ARHGAP40: variants seen among roughly 807,000 people sequenced by gnomAD.
ARHGAP40 encodes the protein Rho GTPase activating protein 40, also known as rho GTPase-activating protein 40.
Under a neutral mutation model 73.5 loss-of-function variants are expected in ARHGAP40, and 43 were observed. The observed-to-expected ratio is 0.58, with a 90% confidence interval of 0.46 to 0.75. The LOEUF is 0.75. Among genes scored for constraint, ARHGAP40 ranks in the 30% least tolerant of loss-of-function variants. ARHGAP40 has a pLI of 0.00. For synonymous variants in ARHGAP40, 300 were observed against 352.8 expected (o/e 0.85, Z 1.68); for missense variants, 734 against 861.8 (o/e 0.85, Z 1.86).
At chr20:38,628,309 C>A (rs1027482671) in intron 3 of ARHGAP40, among the ~76,000 whole-genome samples, 6 of 145,670 alleles carry the variant, frequency 4.1e-5, no homozygotes, top group South Asian at 2.2e-4. Flanking sequence ...GTACAAAATC[C>A]TTTTTTTTTT....
intron 10 of ARHGAP40, among the ~76,000 whole-genome samples, chr20:38,642,342 G>C (rs2089024459): frequency 6.6e-6 from 1 of 152,224 alleles, no homozygotes; most frequent in African/African-American, 2.4e-5. Flanking sequence ...CCAGCTCCCT[G>C]TACCGTCTTG....
chr20:38,603,318 G>C (rs567667643), intron 1 of ARHGAP40, among the ~76,000 whole-genome samples: 9 of 152,196 alleles, frequency 5.9e-5, no homozygotes, highest in Non-Finnish European at 1.0e-4. Context: ...TATGTGCGTG[G>C]GGCTCTGCCC....
intron 11 of ARHGAP40, among the ~76,000 whole-genome samples, chr20:38,645,176 C>T (rs1317587577): frequency 1.3e-5 from 2 of 151,562 alleles, no homozygotes; most frequent in Non-Finnish European, 2.9e-5. Context: ...GGGCAGAAGC[C>T]TGGTGTCCTC....
chr20:38,624,133 A>G (rs2088887457), intron 2 of ARHGAP40, among the ~76,000 whole-genome samples: 1 of 152,164 alleles, frequency 6.6e-6, no homozygotes, highest in African/African-American at 2.4e-5. Flanking sequence ...CCTCTCATGC[A>G]GTTACAATCA....
intron 6 of ARHGAP40, among the ~76,000 whole-genome samples, chr20:38,636,383 C>T (rs1012827665): frequency 1.3e-5 from 2 of 152,006 alleles, no homozygotes; most frequent in Middle Eastern, 3.4e-3. Context: ...TCACCTCAGC[C>T]GCCTGAGTAG....
Position 38,602,066 on chromosome 20 carries a change from G to A in ARHGAP40, c.124G>A (p.Asp42Asn), listed in dbSNP as rs563490672. Residue 42 changes from aspartate to asparagine, a missense_variant, in exon 1 of 15, where the codon GAC becomes AAC. By Grantham distance (23) the Asp-to-Asn change is conservative. Transcript: ENST00000373345. Reference sequence around the variant, plus strand: ...CAGGCGCTGCGCCCAGCGCTGGGCCGACCTGGGCTGCAGGTACAGGGGTCA... The same window carrying A: ...CAGGCGCTGCGCCCAGCGCTGGGCCAACCTGGGCTGCAGGTACAGGGGTCA... 7 of 1,285,672 alleles carry A rather than the reference G, an allele frequency of 5.4e-6. No individual in the cohort carries two copies. The South Asian group carries it at 6.2e-5, about 11-fold the overall frequency. The allele number at this position is 1,285,672 out of a possible 1,614,324, so 79.6% of individuals were successfully genotyped here. A position where few individuals can be genotyped will look rare whatever the true frequency, so the allele number is the denominator to read the frequency against.
chr20:38,603,203 C>A (rs1336993375), intron 1 of ARHGAP40, among the ~76,000 whole-genome samples: 1 of 152,178 alleles, frequency 6.6e-6, no homozygotes, highest in South Asian at 2.1e-4. Flanking sequence ...GATCGTAGGA[C>A]AACTGAGTCC....
At chr20:38,608,258 C>G (rs1391215784) in intron 1 of ARHGAP40, among the ~76,000 whole-genome samples, 3 of 152,182 alleles carry the variant, frequency 2.0e-5, no homozygotes, top group Admixed American at 6.5e-5. Flanking sequence ...GACCTGCTCC[C>G]CTTCCTGGGA....
chr20:38,633,442 A>T (rs559119735), intron 5 of ARHGAP40, among the ~76,000 whole-genome samples: 3 of 152,350 alleles, frequency 2.0e-5, no homozygotes, highest in South Asian at 2.1e-4. Flanking sequence ...AGTACTCACT[A>T]TGTGTCGGGC....
intron 13 of ARHGAP40, among the ~76,000 whole-genome samples, chr20:38,648,376 C>T (rs1439526182): frequency 6.6e-6 from 1 of 152,238 alleles, no homozygotes; most frequent in Non-Finnish European, 1.5e-5. Context: ...ATTCTGATGC[C>T]CAGAAGAAAG....
At chr20:38,629,084 C>T in intron 4 of ARHGAP40, 82 bp downstream of exon 4, 1 of 1,088,052 alleles carries the variant, frequency 9.2e-7, no homozygotes. Flanking sequence ...AGAATGTGCA[C>T]ACCTCCCAGC....
intron 2 of ARHGAP40, among the ~76,000 whole-genome samples, chr20:38,625,594 T>A (rs541468456): frequency 6.6e-6 from 1 of 152,106 alleles, no homozygotes; most frequent in African/African-American, 2.4e-5. Context: ...AATTTTCGTA[T>A]TTTTAGTAGA....
intron 1 of ARHGAP40, among the ~76,000 whole-genome samples, chr20:38,616,484 A>G (rs2088839969): frequency 6.6e-6 from 1 of 152,228 alleles, no homozygotes; most frequent in South Asian, 2.1e-4. Flanking sequence ...CACAGGCTGC[A>G]TCCAGCCAGT....
chr20:38,650,233 A>G (rs974921635), exon 15 of ARHGAP40: 1 of 413,646 alleles, frequency 2.4e-6, no homozygotes, highest in Non-Finnish European at 4.9e-6. Flanking sequence ...TGACGCCACC[A>G]CTTGGGGCGC....
intron 1 of ARHGAP40, among the ~76,000 whole-genome samples, chr20:38,605,244 C>T (rs1050255016): frequency 1.1e-4 from 16 of 152,146 alleles, no homozygotes; most frequent in African/African-American, 3.6e-4. Context: ...ATGCTCACTG[C>T]CTCTACATGA....
chr20:38,632,744 G>C (rs2088949052), intron 5 of ARHGAP40, among the ~76,000 whole-genome samples: 1 of 152,020 alleles, frequency 6.6e-6, no homozygotes, highest in Non-Finnish European at 1.5e-5. Flanking sequence ...GGAAGGCCAA[G>C]GTGGGAGGAT....
chr20:38,611,616 C>T (rs201952380), intron 1 of ARHGAP40, among the ~76,000 whole-genome samples: 1 of 151,692 alleles, frequency 6.6e-6, no homozygotes, highest in Non-Finnish European at 1.5e-5. Context: ...CTTGCTCTGT[C>T]GCCCAGGCTG....
intron 1 of ARHGAP40, among the ~76,000 whole-genome samples, chr20:38,623,053 T>G (rs1248125247): frequency 1.3e-5 from 2 of 152,174 alleles, no homozygotes; most frequent in Non-Finnish European, 2.9e-5. Flanking sequence ...TGGTGTTTAA[T>G]CCCCTCTTGG....
Position 38,634,739 on chromosome 20 carries a change from C to A in ARHGAP40, c.903C>A (p.Leu301=), listed in dbSNP as rs772571545. ...AGCTGACCGCGCTCTGTGACATCCT[C>A]GGCTTGGACCTGAAGAGGAGCAAGG... The change falls in exon 6 of 15, where the codon CTC becomes CTA. Residue 301 remains leucine, a synonymous_variant. Coordinates refer to ENST00000373345, the Ensembl canonical transcript of ARHGAP40. The A allele has an allele frequency of 2.3e-6, 3 of 1,303,840 alleles. No homozygotes were observed. The African/African-American group carries it at 4.6e-5, about 20-fold the overall frequency. 80.8% of individuals were successfully genotyped at this position (1,303,840 alleles called of 1,614,324 possible). A position where few individuals can be genotyped will look rare whatever the true frequency, so the allele number is the denominator to read the frequency against.
Sources: allele counts gnomAD v4.1 joint callset (sites outside exome capture counted in the v4.1 genomes callset), GRCh38; gene constraint gnomAD v4.1.1; transcripts MANE v1.5; gene names NCBI Gene and HGNC (gene_info 2026-07-23, HGNC 2026-07-21).